AR: variants seen among roughly 807,000 people sequenced by gnomAD.
AR encodes the protein dihydrotestosterone receptor.
AR carries 8 observed loss-of-function variants against 53.9 expected under a neutral mutation model. The ratio of observed to expected loss-of-function variants is 0.15; its 90% confidence interval spans 0.09 to 0.27. AR has a LOEUF of 0.27. AR is among the 10% of genes least tolerant of loss of function. The pLI is 1.00. For synonymous variants in AR, 359 were observed against 316.4 expected (o/e 1.13, Z -1.43); for missense variants, 639 against 742.5 (o/e 0.86, Z 1.62).
chrX:67,655,606 G>T (rs1364628263), intron 2 of AR, among the ~76,000 whole-genome samples: 1 of 111,078 alleles, frequency 9.0e-6, no homozygotes, highest in East Asian at 2.8e-4. Flanking sequence ...CTCTACCCAA[G>T]AATTCTATTG....
chrX:67,728,057 C>G lies in AR; in HGVS notation c.*4216C>G. ...TATATAACCAAAGATTACATTGTAC[C>G]TGCTAAGATACCAAAATTCATAAGG... On this transcript the variant is annotated 3_prime_UTR_variant, in exon 8 of 8. Transcript: ENST00000374690. 1 of 174,091 alleles carries G rather than the reference C, an allele frequency of 5.7e-6. No homozygotes were observed. Among genetic ancestry groups the G allele is most frequent in the Non-Finnish European group, 1.1e-5 (1 of 90,967 alleles). The allele number at this position is 174,091 out of a possible 1,213,427, so 14.3% of individuals were successfully genotyped here.
rs1385736292 is a variant in AR at position 67,722,803 on chromosome X, C to T, written c.2450-24C>T. Reference sequence around the variant, plus strand: ...CCTTCGTGGGCATGCTTCCCCTCCCCATTCTGTCTTCATCCCACATCAGTT... The same window carrying T: ...CCTTCGTGGGCATGCTTCCCCTCCCTATTCTGTCTTCATCCCACATCAGTT... On this transcript the variant is annotated intron_variant, in intron 6 of 7. Transcript: ENST00000374690. 5.0e-6 allele frequency: 6 copies of T among 1,208,305 alleles called. No individual in the cohort carries two copies. The African/African-American group carries it at 8.8e-5, about 18-fold the overall frequency.
intron 3 of AR, among the ~76,000 whole-genome samples, chrX:67,688,615 G>A (rs772842268): frequency 3.6e-5 from 4 of 111,483 alleles, no homozygotes; most frequent in African/African-American, 9.8e-5. Flanking sequence ...AAACGAAAAA[G>A]TACCACCAGG....
intron 1 of AR, among the ~76,000 whole-genome samples, chrX:67,598,737 T>A (rs1923198797): frequency 9.0e-6 from 1 of 111,110 alleles, no homozygotes; most frequent in South Asian, 3.8e-4. Context: ...AGCCATAGTC[T>A]TCTTAGCTGC....
rs774669268 is a variant in AR, at chrX:67,568,736, TGTTA to T, written c.1616+21978_1616+21981del. The T allele has an allele frequency of 1.0e-4, 45 of 429,617 alleles. No homozygotes were observed. In the African/African-American group the frequency reaches 1.2e-3, roughly 11 times the overall value. The allele number at this position is 429,617 out of a possible 1,213,427, so 35.4% of individuals were successfully genotyped here. A position where few individuals can be genotyped will look rare whatever the true frequency, so the allele number is the denominator to read the frequency against. ...GGCAGTAATTGGCATCAGGAGGGTA[TGTTA>T]GTTTGCTTATCTGCGCCGTCCCTCC... On this transcript the variant is annotated intron_variant, in intron 1 of 7. Coordinates refer to ENST00000374690, the MANE Select transcript of AR (RefSeq NM_000044.6).
At chrX:67,722,700 A>C (rs1313122332) in intron 6 of AR, 127 bp from the exon 7 acceptor site, 9 of 825,959 alleles carry the variant, frequency 1.1e-5, no homozygotes, top group Middle Eastern at 3.0e-4. Flanking sequence ...TTCAACTAAC[A>C]GGAAGCCAAG....
chrX:67,583,217 C>G (rs1191195559), intron 1 of AR, among the ~76,000 whole-genome samples: 1 of 112,112 alleles, frequency 8.9e-6, no homozygotes, highest in Non-Finnish European at 1.9e-5. Context: ...GTTTATTCCA[C>G]GGAGCCACTT....
At chrX:67,624,016 G>A (rs940405970) in intron 1 of AR, among the ~76,000 whole-genome samples, 5 of 110,853 alleles carry the variant, frequency 4.5e-5, no homozygotes, top group Non-Finnish European at 9.4e-5. Flanking sequence ...TAAGGGGCAT[G>A]GAAGACATGT....
At chrX:67,697,616 A>G (rs1267619758) in intron 3 of AR, among the ~76,000 whole-genome samples, 1 of 111,377 alleles carries the variant, frequency 9.0e-6, no homozygotes, top group East Asian at 2.8e-4. Flanking sequence ...AAAAAGTCAG[A>G]ACCTGCCCAT....
At chrX:67,714,975 C>A (rs1216449979) in intron 4 of AR, among the ~76,000 whole-genome samples, 1 of 111,410 alleles carries the variant, frequency 9.0e-6, no homozygotes, top group Non-Finnish European at 1.9e-5. Flanking sequence ...AATATTATGG[C>A]CAAATTAAGC....
intron 7 of AR, 117 bp from the exon 8 acceptor site, chrX:67,723,569 C>T (rs997214010): frequency 4.7e-5 from 38 of 811,820 alleles, no homozygotes; most frequent in Admixed American, 1.1e-4. Context: ...CAAGGAAGTA[C>T]GGGGAAGGGG....
chrX:67,625,261 T>G (rs1191847797), intron 1 of AR, among the ~76,000 whole-genome samples: 1 of 111,043 alleles, frequency 9.0e-6, no homozygotes, highest in Non-Finnish European at 1.9e-5. Context: ...TGGAAAGTAA[T>G]TAAAAATCTA....
chrX:67,563,515 C>T (rs1369795076), intron 1 of AR, among the ~76,000 whole-genome samples: 1 of 111,494 alleles, frequency 9.0e-6, no homozygotes, highest in Admixed American at 9.5e-5. Context: ...TAGTAGTAGT[C>T]CAGACAAACA....
At chrX:67,559,850 T>C (rs761960886) in intron 1 of AR, among the ~76,000 whole-genome samples, 17 of 111,594 alleles carry the variant, frequency 1.5e-4, no homozygotes, top group Non-Finnish European at 2.6e-4. Flanking sequence ...ATGTTTTGGG[T>C]CTCTTTACTC....
At chrX:67,705,392 T>C (rs1478410596) in intron 3 of AR, among the ~76,000 whole-genome samples, 1 of 111,730 alleles carries the variant, frequency 9.0e-6, no homozygotes, top group East Asian at 2.8e-4. Flanking sequence ...CTAGGTATTT[T>C]ATTCTCTTAG....
intron 2 of AR, among the ~76,000 whole-genome samples, chrX:67,668,834 T>C (rs1927395046): frequency 9.0e-6 from 1 of 111,529 alleles, no homozygotes; most frequent in Non-Finnish European, 1.9e-5. Flanking sequence ...GGTTTTCCAA[T>C]GTATTGTCAT....
intron 3 of AR, among the ~76,000 whole-genome samples, chrX:67,690,576 C>T (rs1400112163): frequency 8.9e-6 from 1 of 111,898 alleles, no homozygotes; most frequent in Non-Finnish European, 1.9e-5. Flanking sequence ...TCCAGCCAGC[C>T]AAGAAGTTCA....
In AR at chrX:67,727,562, G is replaced by GCACA. The variant is rs2147545427; in HGVS notation, c.*3722_*3725dup. 1 of 172,539 alleles carries GCACA rather than the reference G, an allele frequency of 5.8e-6. No individual in the cohort carries two copies. The highest frequency in any genetic ancestry group is 3.1e-4 in the South Asian group (1 of 3,226). The allele number at this position is 172,539 out of a possible 1,213,427, so 14.2% of individuals were successfully genotyped here. On this transcript the variant is annotated 3_prime_UTR_variant, in exon 8 of 8. Transcript: ENST00000374690. ...AGCTTCTAAGTGTTTGTTTCATTAG[G>GCACA]CACAGCACAGATGTGGCCTTTCCCC... is the stretch of plus-strand genomic sequence containing the variant.
At chrX:67,564,940 C>T (rs1206569670) in intron 1 of AR, among the ~76,000 whole-genome samples, 1 of 111,585 alleles carries the variant, frequency 9.0e-6, no homozygotes, top group Non-Finnish European at 1.9e-5. Flanking sequence ...TTAGCAAAAC[C>T]TAGAGCTTCT....
Sources: allele counts gnomAD v4.1 joint callset (sites outside exome capture counted in the v4.1 genomes callset), GRCh38; gene constraint gnomAD v4.1.1; transcripts MANE v1.5; gene names NCBI Gene and HGNC (gene_info 2026-07-23, HGNC 2026-07-21).